Variants in SLC24A4 observed in about 807,000 individuals in gnomAD.
SLC24A4 encodes solute carrier family 24 member 4.
A neutral mutation model predicts 79.0 loss-of-function variants in SLC24A4; 53 were observed. That is an observed-to-expected ratio of 0.67 (90% CI 0.54 to 0.84). SLC24A4 has a LOEUF of 0.84. Ranked by LOEUF, SLC24A4 falls within the 40% of genes least tolerant of loss-of-function variation. SLC24A4 has a pLI of 0.00. For synonymous variants in SLC24A4, 323 were observed against 323.8 expected, an observed-to-expected ratio of 1.00 and a Z score of 0.03; for missense variants, 731 against 822.0, an observed-to-expected ratio of 0.89 and a Z score of 1.35.
At chr14:92,365,602 C>T (rs140049678) in intron 2 of SLC24A4, among the ~76,000 whole-genome samples, 133 of 152,362 alleles carry the variant, frequency 8.7e-4, no homozygotes, top group African/African-American at 3.0e-3. Context: ...GCTTATCTTA[C>T]AGTGTGACAT....
At chr14:92,351,610 A>G (rs932565102) in intron 2 of SLC24A4, among the ~76,000 whole-genome samples, 5 of 152,158 alleles carry the variant, frequency 3.3e-5, no homozygotes, top group Admixed American at 3.3e-4. Flanking sequence ...TAATCCCAGA[A>G]CTTCGGGAGG....
rs367646681 is a variant in SLC24A4 at position 92,459,636 on chromosome 14, G to A, written c.1255+3028G>A. On this transcript the variant is annotated intron_variant, in intron 12 of 16. Coordinates refer to ENST00000532405, the MANE Select transcript of SLC24A4 (RefSeq NM_153646.4). ...GGGGAAACCTCCTTTGTGCGTCTGC[G>A]GATGTGTTTCCAGGTGTTGTCCCTG... 6.6e-5 allele frequency among the ~76,000 whole-genome samples: 10 copies of A among 152,246 alleles called. No individual in the cohort carries two copies. The East Asian group carries it at 7.7e-4, about 12-fold the overall frequency.
At chr14:92,391,896 C>G (rs1889484995) in intron 2 of SLC24A4, among the ~76,000 whole-genome samples, 1 of 152,168 alleles carries the variant, frequency 6.6e-6, no homozygotes, top group African/African-American at 2.4e-5. Flanking sequence ...GGTGGGCGTT[C>G]AGATGATGGC....
chr14:92,352,635 C>A (rs1471221609), intron 2 of SLC24A4, among the ~76,000 whole-genome samples: 1 of 152,188 alleles, frequency 6.6e-6, no homozygotes, highest in Non-Finnish European at 1.5e-5. Context: ...GCCCAGGGCC[C>A]CGAAATACAT....
At chr14:92,338,750 T>C (rs904644140) in intron 2 of SLC24A4, among the ~76,000 whole-genome samples, 2 of 152,210 alleles carry the variant, frequency 1.3e-5, no homozygotes, top group East Asian at 3.8e-4. Context: ...AGGAGGCCTA[T>C]TGGGGGCAGT....
chr14:92,492,301 C>T, intron 16 of SLC24A4, 61 bp downstream of exon 16: 4 of 1,509,270 alleles, frequency 2.7e-6, no homozygotes, highest in South Asian at 1.1e-5. Flanking sequence ...CTGATTCCGC[C>T]TCGTCACTTA....
chr14:92,444,970 CACTT>C (rs1416496535), intron 7 of SLC24A4, among the ~76,000 whole-genome samples: 4 of 135,558 alleles, frequency 3.0e-5, no homozygotes, highest in Middle Eastern at 3.7e-3. Flanking sequence ...CACACACACA[CACTT>C]AGCTATCTTT....
intron 2 of SLC24A4, among the ~76,000 whole-genome samples, chr14:92,336,353 C>A (rs1050381007): frequency 6.6e-6 from 1 of 152,080 alleles, no homozygotes; most frequent in Non-Finnish European, 1.5e-5. Flanking sequence ...ATAAAAGTGC[C>A]GGAATAATTT....
At chr14:92,414,086 G>A (rs1226208135) in intron 2 of SLC24A4, among the ~76,000 whole-genome samples, 2 of 152,078 alleles carry the variant, frequency 1.3e-5, no homozygotes, top group East Asian at 3.9e-4. Flanking sequence ...AAGCAGGCAG[G>A]CATCAGTGTT....
At chr14:92,394,021 A>C (rs1426268329) in intron 2 of SLC24A4, among the ~76,000 whole-genome samples, 1 of 151,090 alleles carries the variant, frequency 6.6e-6, no homozygotes, top group East Asian at 2.0e-4. Context: ...AGAAGAAAAA[A>C]AAATTATAGA....
Position 92,493,884 on chromosome 14 carries a change from G to GC in SLC24A4, c.*257dup. On this transcript the variant is annotated 3_prime_UTR_variant, in exon 17 of 17. Transcript: ENST00000532405. ...TCTGAGCAGCTTCAAAGACCCCTGA[G>GC]CTGCCAACCACGGAGATGTGCCAAG... The GC allele has an allele frequency of 2.0e-6, 1 of 510,256 alleles. No individual in the cohort carries two copies. Among genetic ancestry groups the GC allele is most frequent in the South Asian group, 2.5e-5 (1 of 40,206 alleles). 31.6% of individuals were successfully genotyped at this position (510,256 alleles called of 1,614,324 possible).
intron 12 of SLC24A4, among the ~76,000 whole-genome samples, chr14:92,458,705 C>T (rs561677663): frequency 9.8e-5 from 15 of 152,296 alleles, no homozygotes; most frequent in Admixed American, 2.6e-4. Context: ...AGGCACAGGC[C>T]GTGATTCGAG....
chr14:92,381,429 C>G (rs1450516200), intron 2 of SLC24A4, among the ~76,000 whole-genome samples: 1 of 152,072 alleles, frequency 6.6e-6, no homozygotes, highest in Non-Finnish European at 1.5e-5. Flanking sequence ...TGGGGCCTGT[C>G]AGGACGGTGG....
At chr14:92,356,407 G>C (rs1023148158) in intron 2 of SLC24A4, among the ~76,000 whole-genome samples, 1 of 152,164 alleles carries the variant, frequency 6.6e-6, no homozygotes, top group African/African-American at 2.4e-5. Flanking sequence ...TTGAAAACTA[G>C]AATGAGCGTG....
At chr14:92,458,077 G>T (rs60599520) in intron 12 of SLC24A4, among the ~76,000 whole-genome samples, 6 of 151,994 alleles carry the variant, frequency 3.9e-5, no homozygotes, top group Admixed American at 3.9e-4. Flanking sequence ...GGGCATGCTC[G>T]TCGCAGCTAT....
At chr14:92,438,615 C>G (rs1224897328) in intron 3 of SLC24A4, among the ~76,000 whole-genome samples, 2 of 152,050 alleles carry the variant, frequency 1.3e-5, no homozygotes, top group Non-Finnish European at 2.9e-5. Context: ...GAGACCCTGT[C>G]TCAAACAAAA....
chr14:92,458,539 T>A (rs1300284969), intron 12 of SLC24A4, among the ~76,000 whole-genome samples: 2 of 151,924 alleles, frequency 1.3e-5, no homozygotes, highest in African/African-American at 4.8e-5. Flanking sequence ...GGAGGGGTGG[T>A]CTCCAGATTC....
intron 10 of SLC24A4, chr14:92,451,699 C>T (rs1471927295): frequency 6.6e-6 from 1 of 152,236 alleles, no homozygotes; most frequent in Admixed American, 6.5e-5. Context: ...TGATAAAAGG[C>T]GTTTGAGTAC....
At chr14:92,481,264 TTCA>T (rs1895057578) in intron 12 of SLC24A4, among the ~76,000 whole-genome samples, 1 of 152,246 alleles carries the variant, frequency 6.6e-6, no homozygotes. Context: ...CTAGGAGCTT[TTCA>T]AAGCCCACTG....
Sources: gnomAD v4.1 joint callset for allele counts (sites outside exome capture counted in the v4.1 genomes callset) on GRCh38, gnomAD v4.1.1 for gene constraint, MANE v1.5 for transcripts, NCBI Gene and HGNC (gene_info 2026-07-23, HGNC 2026-07-21) for gene names.